The following KCNQ5 variants were observed in gnomAD, a reference collection of about 807,000 sequenced individuals.
KCNQ5 encodes the protein potassium voltage-gated channel subfamily KQT member 5.
In KCNQ5, 30 loss-of-function variants were observed where a neutral mutation model predicts 98.2. The observed-to-expected ratio is 0.31, with a 90% CI of 0.23 to 0.41. KCNQ5 has a LOEUF of 0.41. Ranked by LOEUF, KCNQ5 falls within the 10% of genes least tolerant of loss-of-function variation. The probability of loss-of-function intolerance (pLI) is 1.00; values close to 1 mark genes in which losing one functional copy is unlikely to be tolerated. For synonymous variants in KCNQ5, 458 were observed against 449.4 expected (o/e 1.02, Z -0.24); for missense variants, 835 against 1,182.5 (o/e 0.71, Z 4.31).
At chr6:72,680,048 T>TA (rs1012900916) in intron 1 of KCNQ5, among the ~76,000 whole-genome samples, 4 of 151,998 alleles carry the variant, frequency 2.6e-5, no homozygotes, top group African/African-American at 4.8e-5. Flanking sequence ...ATCTCAAAAA[T>TA]AAAAAAAATT....
intron 1 of KCNQ5, among the ~76,000 whole-genome samples, chr6:72,879,537 T>G (rs897848744): frequency 1.4e-4 from 21 of 152,192 alleles, no homozygotes; most frequent in African/African-American, 4.8e-4. Context: ...ACATCTTCTC[T>G]TAGACACTTT....
intron 10 of KCNQ5, among the ~76,000 whole-genome samples, chr6:73,154,972 C>CAT (rs148820563): frequency 0.019 from 2,881 of 152,238 alleles, 91 homozygotes; most frequent in African/African-American, 0.065. Context: ...GTCCTGCCCT[C>CAT]ATGGAGCTCA....
chr6:73,000,346 G>T lies in KCNQ5; in HGVS notation c.399-3562G>T, dbSNP rs116188876. On this transcript the variant is annotated intron_variant, in intron 1 of 13. Coordinates refer to ENST00000370398, the MANE Select transcript of KCNQ5 (RefSeq NM_019842.4). Reference sequence around the variant, plus strand: ...GCAGAATGTGTTCATTGTTCTCCATGATGTCATTTGCCAAATGAAAGAAAT... The same window carrying T: ...GCAGAATGTGTTCATTGTTCTCCATTATGTCATTTGCCAAATGAAAGAAAT... Among the ~76,000 whole-genome samples the T allele has an allele frequency of 1.4e-3, 216 of 152,244 alleles. 1 individual carries two copies. Among genetic ancestry groups the T allele is most frequent in the African/African-American group, 5.1e-3 (211 of 41,534 alleles).
At chr6:72,987,518 C>G (rs921150222) in intron 1 of KCNQ5, 1 of 659,588 alleles carries the variant, frequency 1.5e-6, no homozygotes, top group African/African-American at 1.8e-5. Context: ...CCCCTTCGTT[C>G]AGCCGCCACC....
intron 8 of KCNQ5, 75 bp downstream of exon 8, chr6:73,120,652 CA>C: frequency 2.9e-5 from 26 of 881,598 alleles, no homozygotes; most frequent in Admixed American, 1.2e-4. Flanking sequence ...CCCACACACA[CA>C]AAAAAAGGTG....
intron 1 of KCNQ5, among the ~76,000 whole-genome samples, chr6:72,720,210 A>ATT (rs1769879275): frequency 6.6e-6 from 1 of 152,212 alleles, no homozygotes; most frequent in Admixed American, 6.5e-5. Context: ...TTTTACTGCT[A>ATT]TAAGTGCACA....
intron 1 of KCNQ5, among the ~76,000 whole-genome samples, chr6:72,971,036 A>G (rs1234987103): frequency 1.3e-5 from 2 of 152,258 alleles, no homozygotes; most frequent in African/African-American, 4.8e-5. Flanking sequence ...GCACAGCAAA[A>G]GAAACTACCA....
intron 1 of KCNQ5, among the ~76,000 whole-genome samples, chr6:72,679,445 T>C (rs1306821970): frequency 6.6e-6 from 1 of 151,790 alleles, no homozygotes; most frequent in African/African-American, 2.4e-5. Flanking sequence ...AAATTGGAAA[T>C]CATCATTCTC....
chr6:72,891,591 T>C (rs1210314762), intron 1 of KCNQ5, among the ~76,000 whole-genome samples: 1 of 152,078 alleles, frequency 6.6e-6, no homozygotes, highest in Non-Finnish European at 1.5e-5. Context: ...CCCAAAATGG[T>C]TACATAATCT....
intron 5 of KCNQ5, among the ~76,000 whole-genome samples, chr6:73,097,404 A>T (rs1113016): frequency 0.22 from 33,733 of 152,028 alleles, 8,564 homozygotes; most frequent in African/African-American, 0.61. Context: ...TTTCATAATA[A>T]AAATCCTCAA....
At chr6:72,706,337 T>C (rs906800552) in intron 1 of KCNQ5, among the ~76,000 whole-genome samples, 4 of 140,504 alleles carry the variant, frequency 2.8e-5, no homozygotes, top group African/African-American at 1.2e-4. Flanking sequence ...ATTTTATATT[T>C]AATATTTTAT....
At chr6:73,055,265 C>A in intron 3 of KCNQ5, 1 of 1,335,064 alleles carries the variant, frequency 7.5e-7, no homozygotes, top group Non-Finnish European at 1.1e-6. Context: ...CACCTCATTG[C>A]AGAAGAGAGC....
At chr6:72,668,918 A>AT (rs2154473247) in intron 1 of KCNQ5, among the ~76,000 whole-genome samples, 1 of 151,956 alleles carries the variant, frequency 6.6e-6, no homozygotes, top group East Asian at 2.0e-4. Context: ...TTTAACCTTA[A>AT]TTACCTTCAT....
At chr6:72,869,550 G>A (rs1778123218) in intron 1 of KCNQ5, among the ~76,000 whole-genome samples, 1 of 152,092 alleles carries the variant, frequency 6.6e-6, no homozygotes, top group Admixed American at 6.5e-5. Context: ...TTCCCCTGTA[G>A]GCTTCCTCGC....
chr6:72,758,215 A>C (rs192458316), intron 1 of KCNQ5, among the ~76,000 whole-genome samples: 2 of 152,162 alleles, frequency 1.3e-5, no homozygotes, highest in Admixed American at 1.3e-4. Context: ...TATGGCCTCA[A>C]AATCATAGCT....
chr6:73,101,255 C>A (rs1188664723), intron 5 of KCNQ5, among the ~76,000 whole-genome samples: 1 of 152,126 alleles, frequency 6.6e-6, no homozygotes, highest in Non-Finnish European at 1.5e-5. Flanking sequence ...TACTAGCAAA[C>A]CGAATTCAAC....
chr6:73,175,511 T>C (rs1778180362), intron 11 of KCNQ5, among the ~76,000 whole-genome samples: 1 of 152,150 alleles, frequency 6.6e-6, no homozygotes, highest in Non-Finnish European at 1.5e-5. Context: ...CAAGTAAATC[T>C]CACCTCTTTT....
At chr6:72,722,160 C>A (rs1769990156) in intron 1 of KCNQ5, among the ~76,000 whole-genome samples, 1 of 152,260 alleles carries the variant, frequency 6.6e-6, no homozygotes, top group South Asian at 2.1e-4. Context: ...TCAGAAGGAA[C>A]CAGCCCTGCT....
intron 8 of KCNQ5, among the ~76,000 whole-genome samples, chr6:73,121,489 T>C (rs1018752025): frequency 1.3e-5 from 2 of 152,196 alleles, no homozygotes; most frequent in Non-Finnish European, 2.9e-5. Context: ...TTTCTGTGAG[T>C]CACCCAGCTT....
Sources: allele counts gnomAD v4.1 joint callset (sites outside exome capture counted in the v4.1 genomes callset), GRCh38; gene constraint gnomAD v4.1.1; transcripts MANE v1.5; gene names NCBI Gene and HGNC (gene_info 2026-07-23, HGNC 2026-07-21).